Variants in FSTL5 observed in about 807,000 individuals in gnomAD.
FSTL5 encodes the protein follistatin like 5.
A neutral mutation model predicts 89.1 loss-of-function variants in FSTL5; 62 were observed. That is an observed-to-expected ratio of 0.70 (90% CI 0.57 to 0.86). The LOEUF (loss-of-function observed/expected upper bound fraction) is 0.86. Among genes scored for constraint, FSTL5 ranks in the 40% least tolerant of loss-of-function variants. The pLI, the probability that FSTL5 is intolerant of heterozygous loss-of-function variation, is 0.00. For synonymous variants in FSTL5, 383 were observed against 346.2 expected (o/e 1.11, Z -1.18); for missense variants, 1,057 against 1,001.6 (o/e 1.06, Z -0.75).
intron 6 of FSTL5, among the ~76,000 whole-genome samples, chr4:161,702,297 AT>A (rs1738418166): frequency 6.6e-6 from 1 of 152,198 alleles, no homozygotes; most frequent in Admixed American, 6.5e-5. Context: ...AGAACATTGC[AT>A]TTTGATAACG....
intron 15 of FSTL5, among the ~76,000 whole-genome samples, chr4:161,437,146 G>C (rs1367003703): frequency 6.6e-6 from 1 of 152,184 alleles, no homozygotes; most frequent in African/African-American, 2.4e-5. Context: ...GCTAGTGGAA[G>C]AGATATTGAA....
chr4:161,425,152 T>G (rs1226648820), intron 15 of FSTL5, among the ~76,000 whole-genome samples: 1 of 152,242 alleles, frequency 6.6e-6, no homozygotes, highest in Non-Finnish European at 1.5e-5. Context: ...ACTTTGGATC[T>G]TTGCAAATAA....
Position 161,386,259 on chromosome 4 carries a change from T to A in FSTL5, c.2032A>T (p.Met678Leu), listed in dbSNP as rs756494502. The A allele has an allele frequency of 5.6e-6, 9 of 1,614,038 alleles. No homozygotes were observed. The South Asian group carries it at 9.9e-5, about 18-fold the overall frequency. The change falls in exon 16 of 16, where the codon ATG (methionine) becomes TTG (leucine). Residue 678 changes from methionine to leucine, a missense_variant. Around this residue, in one of 3 missense-constraint regions of FSTL5, gnomAD observed 980 missense variants for 903.2 expected, o/e 1.08. Transcript: ENST00000306100. ...DSTGAVSPQV[M>L]VDGVTDSVIG... ...ACTGAGTCAGTTACACCGTCCACCATGACCTGTGGGGAAACTGCTCCGGTG... is the reference window on the plus strand; with the variant it reads ...ACTGAGTCAGTTACACCGTCCACCAAGACCTGTGGGGAAACTGCTCCGGTG...
In FSTL5 at chr4:161,915,425, T is replaced by G. The variant is rs144088754; in HGVS notation, c.409+4979A>C. 3.0e-4 allele frequency among the ~76,000 whole-genome samples: 45 copies of G among 152,062 alleles called. 1 individual carries two copies. In the East Asian group the frequency reaches 7.8e-3, roughly 26 times the overall value. Reference sequence around the variant, plus strand: ...TAATATCCCAAAATCCCAAAATGAGTGATGAGTCTGCCTAAGTATTAATCA... The same window carrying G: ...TAATATCCCAAAATCCCAAAATGAGGGATGAGTCTGCCTAAGTATTAATCA... On this transcript the variant is annotated intron_variant, in intron 4 of 15. Coordinates refer to ENST00000306100, the MANE Select transcript of FSTL5 (RefSeq NM_020116.5).
intron 7 of FSTL5, among the ~76,000 whole-genome samples, chr4:161,637,696 C>G (rs1578985731): frequency 1.7e-5 from 2 of 116,060 alleles, no homozygotes; most frequent in Admixed American, 8.9e-5. Context: ...AGCCAGTTTT[C>G]CCAGCACCAT....
At chr4:161,449,930 G>T (rs1172748631) in intron 15 of FSTL5, among the ~76,000 whole-genome samples, 1 of 152,074 alleles carries the variant, frequency 6.6e-6, no homozygotes, top group Non-Finnish European at 1.5e-5. Flanking sequence ...AAAGCTCTAG[G>T]AAAGACTTCT....
intron 3 of FSTL5, among the ~76,000 whole-genome samples, chr4:161,989,674 C>T (rs1170887170): frequency 1.3e-5 from 2 of 152,076 alleles, no homozygotes; most frequent in African/African-American, 2.4e-5. Context: ...TACTATGATA[C>T]TCAGCAAAAG....
At chr4:161,841,850 G>T (rs1323663446) in intron 4 of FSTL5, among the ~76,000 whole-genome samples, 1 of 152,018 alleles carries the variant, frequency 6.6e-6, no homozygotes, top group Admixed American at 6.6e-5. Context: ...TGTTGATGAG[G>T]CTTTGGCATC....
chr4:162,054,526 A>G (rs1215520441), intron 2 of FSTL5, among the ~76,000 whole-genome samples: 1 of 151,938 alleles, frequency 6.6e-6, no homozygotes, highest in Admixed American at 6.6e-5. Flanking sequence ...TTGTTAATAT[A>G]GAAAACAGAG....
chr4:161,952,648 A>C (rs1454805130), intron 3 of FSTL5, among the ~76,000 whole-genome samples: 1 of 151,956 alleles, frequency 6.6e-6, no homozygotes, highest in Non-Finnish European at 1.5e-5. Flanking sequence ...TTACCTTAAT[A>C]TTTAAATTCA....
chr4:161,621,446 G>A (rs188600173), intron 7 of FSTL5, among the ~76,000 whole-genome samples: 81 of 152,140 alleles, frequency 5.3e-4, no homozygotes, highest in Middle Eastern at 3.4e-3. Context: ...AAGGTTGCAG[G>A]AAAGCAAGAG....
chr4:161,582,607 G>C (rs1439690191), intron 8 of FSTL5, among the ~76,000 whole-genome samples: 2 of 152,122 alleles, frequency 1.3e-5, no homozygotes, highest in African/African-American at 4.8e-5. Flanking sequence ...ACCAATTTTA[G>C]GGCTGTGGTT....
At chr4:161,641,509 G>C (rs4498097) in intron 7 of FSTL5, among the ~76,000 whole-genome samples, 7,444 of 146,734 alleles carry the variant, frequency 0.051, 630 homozygotes, top group African/African-American at 0.18. Context: ...GTTTTGTTTT[G>C]TTTTTTTTTT....
At chr4:161,990,625 AG>A (rs1736084798) in intron 3 of FSTL5, among the ~76,000 whole-genome samples, 5 of 152,136 alleles carry the variant, frequency 3.3e-5, no homozygotes, top group Admixed American at 3.3e-4. Context: ...AGATACAAGC[AG>A]GTGTGCAATT....
chr4:162,050,174 A>G (rs1230338733), intron 2 of FSTL5, among the ~76,000 whole-genome samples: 1 of 151,804 alleles, frequency 6.6e-6, no homozygotes, highest in Non-Finnish European at 1.5e-5. Flanking sequence ...ACAATCTAGA[A>G]TTGAAAGGTT....
At chr4:161,500,346 T>C (rs1372112345) in intron 11 of FSTL5, among the ~76,000 whole-genome samples, 3 of 152,138 alleles carry the variant, frequency 2.0e-5, no homozygotes, top group African/African-American at 7.2e-5. Flanking sequence ...TGCTGCAGTT[T>C]AGTGGTTTCT....
At chr4:161,608,608 AATC>A (rs1281385233) in intron 7 of FSTL5, among the ~76,000 whole-genome samples, 4 of 152,092 alleles carry the variant, frequency 2.6e-5, no homozygotes. Context: ...GATAAAGAAA[AATC>A]ATGACTATGA....
intron 10 of FSTL5, among the ~76,000 whole-genome samples, chr4:161,536,710 G>T (rs567760611): frequency 6.6e-6 from 1 of 152,148 alleles, no homozygotes; most frequent in African/African-American, 2.4e-5. Context: ...ACACTAAAAG[G>T]TTGTATGATT....
At chr4:162,058,423 C>CTTTTT (rs764578152) in intron 2 of FSTL5, among the ~76,000 whole-genome samples, 9 of 112,086 alleles carry the variant, frequency 8.0e-5, no homozygotes, top group African/African-American at 2.1e-4. Flanking sequence ...ATAAATTCCT[C>CTTTTT]TTTTTTTTTT....
Sources: allele counts gnomAD v4.1 joint callset (sites outside exome capture counted in the v4.1 genomes callset), GRCh38; gene constraint gnomAD v4.1.1; regional missense constraint gnomAD v4.1.1; transcripts MANE v1.5; gene names NCBI Gene and HGNC (gene_info 2026-07-23, HGNC 2026-07-21).